The following DDX23 variants were observed in gnomAD, a reference collection of about 807,000 sequenced individuals.
The protein encoded by DDX23 is DEAD-box helicase 23, also known as probable ATP-dependent RNA helicase DDX23.
Under a neutral mutation model 102.7 loss-of-function variants are expected in DDX23, and 33 were observed. That is an observed-to-expected ratio of 0.32 (90% CI 0.24 to 0.43). DDX23 has a LOEUF of 0.43. DDX23 is among the 20% of genes least tolerant of loss of function. DDX23 has a pLI of 1.00. For missense variants in DDX23, 549 were observed against 1,086.6 expected (o/e 0.51, Z 6.96); for synonymous variants, 352 against 376.0 (o/e 0.94, Z 0.74).
Position 48,839,891 on chromosome 12 carries a change from C to G in DDX23, c.433G>C (p.Glu145Gln). ...GCCTTTTTCTTGGCCAGAAGCTCCTCCAGGGATAATGGCTGGGCCTGAAGA... is the reference window on the plus strand; with the variant it reads ...GCCTTTTTCTTGGCCAGAAGCTCCTGCAGGGATAATGGCTGGGCCTGAAGA... ...KKPKAQPLSLEELLAKKKAEE... is the reference protein window; with the variant it reads ...KKPKAQPLSLQELLAKKKAEE... The change falls in exon 5 of 17, where the codon GAG (glutamate) becomes CAG (glutamine). Residue 145 changes from glutamate (E) to glutamine (Q), a missense_variant. By Grantham distance (29) the Glu-to-Gln change is conservative. This residue lies in a region of DDX23 where 241 missense variants were observed against 267.0 expected (regional missense o/e 0.90). Transcript: ENST00000308025. The G allele has an allele frequency of 6.2e-7, 1 of 1,614,196 alleles. No individual in the cohort carries two copies. The highest frequency in any genetic ancestry group is 8.5e-7 in the Non-Finnish European group (1 of 1,180,036).
intron 3 of DDX23, among the ~76,000 whole-genome samples, chr12:48,840,443 G>C (rs1010256129): frequency 6.6e-6 from 1 of 152,140 alleles, no homozygotes; most frequent in Non-Finnish European, 1.5e-5. Flanking sequence ...GGCTAAGACA[G>C]GTGGGTTACC....
intron 11 of DDX23, 76 bp from the exon 12 acceptor site, chr12:48,834,573 C>A: frequency 7.0e-7 from 1 of 1,426,518 alleles, no homozygotes; most frequent in South Asian, 1.3e-5. Context: ...AAGACAAAGT[C>A]ACTCTTACGG....
intron 3 of DDX23, among the ~76,000 whole-genome samples, chr12:48,842,033 C>T (rs1429636485): frequency 3.6e-4 from 55 of 151,814 alleles, no homozygotes; most frequent in African/African-American, 1.2e-3. Flanking sequence ...GCCTGACAAC[C>T]GCCCCGTCTG....
chr12:48,843,004 C>T (rs2137491996), intron 3 of DDX23, among the ~76,000 whole-genome samples: 1 of 150,316 alleles, frequency 6.7e-6, no homozygotes, highest in South Asian at 2.1e-4. Flanking sequence ...TTACCCCCAA[C>T]CCTGTGCTCT....
Position 48,830,826 on chromosome 12 carries a change from G to A in DDX23, c.2240-134C>T. The A allele has an allele frequency of 1.0e-6, 1 of 964,730 alleles. No homozygotes were observed. 59.8% of individuals were successfully genotyped at this position (964,730 alleles called of 1,614,324 possible). ...AATACAGCACATGCTGCCTGAACCT[G>A]AGGCGCCCACAGTGCCCTCTCCAGG... On this transcript the variant is annotated intron_variant, in intron 16 of 16. Transcript: ENST00000308025. This position sits in a 1 kb window ranked among gnomAD's most constrained non-coding sequence, Gnocchi z 4.9.
chr12:48,842,859 G>A (rs1289989619), intron 3 of DDX23, among the ~76,000 whole-genome samples: 27 of 152,246 alleles, frequency 1.8e-4, no homozygotes, highest in African/African-American at 1.9e-4. Flanking sequence ...ATAGAAAGGC[G>A]GGAAAGGTGG....
intron 3 of DDX23, among the ~76,000 whole-genome samples, chr12:48,841,247 A>G (rs1486420123): frequency 2.0e-5 from 3 of 152,150 alleles, no homozygotes; most frequent in African/African-American, 7.2e-5. Flanking sequence ...TTAGCCAGGC[A>G]TGGTGGCGCA....
chr12:48,839,871 T>C lies in DDX23; in HGVS notation c.453A>G (p.Lys151=). Residue 151 remains lysine, a synonymous_variant, in exon 5 of 17, where the codon AAA becomes AAG. Transcript: ENST00000308025. ...TAGCCTCAGCTTCTTCCTCAGCCTT[T>C]TTCTTGGCCAGAAGCTCCTCCAGGG... is the stretch of plus-strand genomic sequence containing the variant. ...PLSLEELLAK[K]KAEEEAEAKP... is the part of the protein sequence containing the mutation. 1 of 1,614,222 alleles carries C rather than the reference T, an allele frequency of 6.2e-7. No homozygotes were observed. The highest frequency in any genetic ancestry group is 1.1e-5 in the South Asian group (1 of 91,090).
intron 3 of DDX23, among the ~76,000 whole-genome samples, chr12:48,842,696 G>T (rs1938586358): frequency 1.3e-5 from 2 of 149,896 alleles, no homozygotes; most frequent in African/African-American, 4.9e-5. Flanking sequence ...CCCCCGCCCG[G>T]CCAGCCGCCC....
Position 48,830,182 on chromosome 12 carries a change from A to AG in DDX23, c.*286dup. The stretch of plus-strand genomic sequence containing the variant: ...AGCAATGCCAACTGGCTGCCCCCAT[A>AG]GCCTGGCATGAGCTGATGGCCCAGT... On this transcript the variant is annotated 3_prime_UTR_variant, in exon 17 of 17. Coordinates refer to ENST00000308025, the MANE Select transcript of DDX23 (RefSeq NM_004818.3). The surrounding 1 kb of genome is among the most constrained non-coding windows in gnomAD (Gnocchi z 4.9). 1 of 564,428 alleles carries AG rather than the reference A, an allele frequency of 1.8e-6. No individual in the cohort carries two copies. Among genetic ancestry groups the AG allele is most frequent in the East Asian group, 4.1e-5 (1 of 24,424 alleles). 35.0% of individuals were successfully genotyped at this position (564,428 alleles called of 1,614,324 possible). A position where few individuals can be genotyped will look rare whatever the true frequency, so the allele number is the denominator to read the frequency against.
At chr12:48,843,891 GAAGA>G (rs756526250) in intron 3 of DDX23, 45 bp downstream of exon 3, 74 of 1,591,726 alleles carry the variant, frequency 4.6e-5, no homozygotes, top group Non-Finnish European at 5.7e-5. Context: ...CAGGTGCAGA[GAAGA>G]AATGGGAGCA....
Position 48,832,673 on chromosome 12 carries a change from G to A in DDX23, c.1804-100C>T. The A allele has an allele frequency of 1.4e-5, 20 of 1,453,894 alleles. No individual in the cohort carries two copies. The highest frequency in any genetic ancestry group is 1.8e-5 in the Non-Finnish European group (20 of 1,083,340). The allele number at this position is 1,453,894 out of a possible 1,614,324, so 90.1% of individuals were successfully genotyped here. Reference sequence around the variant, plus strand: ...AGCCCAGACTAAAGAATCTAAAATGGGCCACAGTATAGGCTTTGATAGCCA... The same window carrying A: ...AGCCCAGACTAAAGAATCTAAAATGAGCCACAGTATAGGCTTTGATAGCCA... On this transcript the variant is annotated intron_variant, in intron 13 of 16. Transcript: ENST00000308025. This position sits in a 1 kb window ranked among gnomAD's most constrained non-coding sequence, Gnocchi z 4.4.
At chr12:48,850,282 C>T (rs1435060786) in intron 1 of DDX23, among the ~76,000 whole-genome samples, 1 of 152,190 alleles carries the variant, frequency 6.6e-6, no homozygotes, top group African/African-American at 2.4e-5. Context: ...GCAGAAAGAG[C>T]AGACACAAAG....
At chr12:48,837,817 C>A in intron 6 of DDX23, 125 bp downstream of exon 6, 1 of 1,535,908 alleles carries the variant, frequency 6.5e-7, no homozygotes, top group Non-Finnish European at 8.8e-7. Context: ...TTCTCATAAA[C>A]TCCCACCATC....
intron 1 of DDX23, 80 bp downstream of exon 1, chr12:48,852,004 G>A (rs1938769210): frequency 6.6e-6 from 1 of 152,382 alleles, no homozygotes; most frequent in Non-Finnish European, 1.5e-5. Flanking sequence ...CCTCATCCAG[G>A]AGGCAGGGGC....
At chr12:48,834,625 TG>T (rs1938438873) in intron 11 of DDX23, 128 bp from the exon 12 acceptor site, 1 of 882,170 alleles carries the variant, frequency 1.1e-6, no homozygotes, top group Non-Finnish European at 1.7e-6. Flanking sequence ...AAGAATGCAA[TG>T]ATCTCACTTA....
chr12:48,841,018 C>T (rs1318244161), intron 3 of DDX23, among the ~76,000 whole-genome samples: 7 of 152,136 alleles, frequency 4.6e-5, no homozygotes, highest in Non-Finnish European at 1.0e-4. Context: ...TTCAAACAAC[C>T]CCACTGAGTT....
rs374159717 is a variant in DDX23 at position 48,836,885 on chromosome 12, A to T, written c.1010+9T>A. ...GCTCTGTCCAGCCACCCTAGCCTTG[A>T]TCACTCACTCCTCCTGCTCCTTTTC... is the stretch of plus-strand genomic sequence containing the variant. On this transcript the variant is annotated intron_variant, in intron 9 of 16. Transcript: ENST00000308025. This position sits in a 1 kb window ranked among gnomAD's most constrained non-coding sequence, Gnocchi z 6.1. 7 of 1,613,678 alleles carry T rather than the reference A, an allele frequency of 4.3e-6. No individual in the cohort carries two copies.
At chr12:48,841,925 G>T (rs1457843867) in intron 3 of DDX23, among the ~76,000 whole-genome samples, 1 of 148,368 alleles carries the variant, frequency 6.7e-6, no homozygotes, top group South Asian at 2.2e-4. Flanking sequence ...GCCGCCCATC[G>T]TCTGAGATGT....
Sources: gnomAD v4.1 joint callset for allele counts (sites outside exome capture counted in the v4.1 genomes callset) on GRCh38, gnomAD v4.1.1 for gene constraint, gnomAD v4.1.1 regional missense constraint, Gnocchi (gnomAD v3.1) non-coding constraint, MANE v1.5 for transcripts, NCBI Gene and HGNC (gene_info 2026-07-23, HGNC 2026-07-21) for gene names.